Variants in TSBP1 observed in about 807,000 individuals in gnomAD.
TSBP1 encodes testis expressed basic protein 1.
A neutral mutation model predicts 68.8 loss-of-function variants in TSBP1; 56 were observed. The ratio of observed to expected loss-of-function variants is 0.81; its 90% confidence interval spans 0.66 to 1.02. The LOEUF (loss-of-function observed/expected upper bound fraction) is 1.02, where lower values mean the gene tolerates loss of function less well. Ranked by LOEUF, TSBP1 falls within the 50% of genes least tolerant of loss-of-function variation. The pLI, the probability that TSBP1 is intolerant of heterozygous loss-of-function variation, is 0.00. For synonymous variants in TSBP1, 171 were observed against 208.7 expected (o/e 0.82, Z 1.56); for missense variants, 502 against 641.2 (o/e 0.78, Z 2.34).
chr6:32,324,672 C>A (rs753970808), intron 16 of TSBP1: 5 of 1,550,678 alleles, frequency 3.2e-6, no homozygotes, highest in Non-Finnish European at 3.5e-6. Flanking sequence ...TGTGAGGATG[C>A]GATCTGACTG....
chr6:32,360,791 T>C (rs1489699662), intron 6 of TSBP1, among the ~76,000 whole-genome samples: 1 of 152,186 alleles, frequency 6.6e-6, no homozygotes, highest in East Asian at 1.9e-4. Flanking sequence ...TGCACCTTTA[T>C]TTATTAGTTG....
chr6:32,370,170 AGCTCTTACATTG>A (rs11275478), intron 1 of TSBP1, among the ~76,000 whole-genome samples, 187 bp from the exon 2 acceptor site: 25,162 of 151,310 alleles, frequency 0.17, 2,393 homozygotes, highest in East Asian at 0.25. Context: ...GCCCATTTTT[AGCTCTTACATTG>A]GTTCTTTGGT....
intron 8 of TSBP1, among the ~76,000 whole-genome samples, chr6:32,353,192 A>G (rs1236393599): frequency 1.3e-5 from 2 of 151,970 alleles, no homozygotes; most frequent in South Asian, 2.1e-4. Flanking sequence ...GATTTTTTAC[A>G]TATAGAATTC....
At position 32,314,655 on chromosome 6, in the gene TSBP1, T is replaced by C. The variant is rs1203260719; in HGVS notation, c.580+1117A>G. On this transcript the variant is annotated intron_variant, in intron 19 of 22. Transcript: ENST00000612031. The surrounding 1 kb of genome is among the most constrained non-coding windows in gnomAD (Gnocchi z 4.2). ...ACAGTTCCATTTCTCTTCACTCAAA[T>C]ACCAATGTCTTTGTCCTAACATTAT... 6.6e-6 allele frequency among the ~76,000 whole-genome samples: 1 copy of C among 152,232 alleles called. No individual in the cohort carries two copies. Among genetic ancestry groups the C allele is most frequent in the Non-Finnish European group, 1.5e-5 (1 of 68,038 alleles).
intron 19 of TSBP1, among the ~76,000 whole-genome samples, chr6:32,309,556 A>C (rs1766158220): frequency 6.6e-6 from 1 of 151,432 alleles, no homozygotes; most frequent in Non-Finnish European, 1.5e-5. Flanking sequence ...ATTTTCCTTC[A>C]GTCTTTTGAT....
intron 18 of TSBP1, among the ~76,000 whole-genome samples, chr6:32,319,622 T>C (rs1236524396): frequency 6.6e-6 from 1 of 152,014 alleles, no homozygotes; most frequent in East Asian, 1.9e-4. Flanking sequence ...TGCACCTCCA[T>C]AGCAGGCCTG....
At chr6:32,326,686 A>G (rs977208938) in intron 16 of TSBP1, among the ~76,000 whole-genome samples, 1 of 152,258 alleles carries the variant, frequency 6.6e-6, no homozygotes, top group Non-Finnish European at 1.5e-5. Context: ...AAACAAAGAT[A>G]AATCAACGTG....
intron 9 of TSBP1, among the ~76,000 whole-genome samples, chr6:32,342,619 A>G (rs3129904): frequency 0.77 from 116,501 of 152,232 alleles, 44,830 homozygotes; most frequent in South Asian, 0.88. Flanking sequence ...GAGTCTGCAT[A>G]CTTAACTGCT....
intron 16 of TSBP1, 135 bp downstream of exon 17, chr6:32,330,454 G>A: frequency 1.4e-6 from 1 of 721,666 alleles, no homozygotes; most frequent in Non-Finnish European, 2.2e-6. Context: ...AAATCAGGAA[G>A]CATAAAAACA....
chr6:32,331,445 G>A (rs1196259657), intron 15 of TSBP1, among the ~76,000 whole-genome samples: 1 of 152,192 alleles, frequency 6.6e-6, no homozygotes, highest in Non-Finnish European at 1.5e-5. Context: ...GATGGTTAGT[G>A]TTAATCCAAA....
chr6:32,367,052 CGT>C (rs3038518), intron 4 of TSBP1, among the ~76,000 whole-genome samples: 30,773 of 148,096 alleles, frequency 0.21, 3,355 homozygotes, highest in Non-Finnish European at 0.25. Flanking sequence ...ATGCTTGTAG[CGT>C]GTGTGTGTGT....
intron 8 of TSBP1, 188 bp from the exon 9 acceptor site, chr6:32,349,948 T>C: frequency 2.6e-6 from 2 of 780,648 alleles, no homozygotes; most frequent in Non-Finnish European, 4.7e-6. Flanking sequence ...TCCAATACTT[T>C]TGTGGTAAGG....
In TSBP1 at chr6:32,315,779, T is replaced by A. The variant is rs760582632; in HGVS notation, c.573A>T (p.Arg191Ser). Residue 191 changes from arginine to serine, a missense_variant, in exon 19 of 23, where the codon AGA becomes AGT. Transcript: ENST00000612031. This position sits in a 1 kb window ranked among gnomAD's most constrained non-coding sequence, Gnocchi z 5.4. ...GAGAAATAAAGAACTTACTTGCAGT[T>A]CTCTGCGAAATTACTAAAAAATAAG... 1 of 1,516,244 alleles carries A rather than the reference T, an allele frequency of 6.6e-7. No individual in the cohort carries two copies. Among genetic ancestry groups the A allele is most frequent in the South Asian group, 1.2e-5 (1 of 82,640 alleles). The allele number at this position is 1,516,244 out of a possible 1,614,324, so 93.9% of individuals were successfully genotyped here.
At chr6:32,366,372 T>C (rs761757369) in intron 4 of TSBP1, 70 bp from the exon 5 acceptor site, 24 of 1,387,406 alleles carry the variant, frequency 1.7e-5, no homozygotes, top group East Asian at 1.4e-4. Flanking sequence ...TTTTGTTAGA[T>C]AGAAATCTGT....
chr6:32,331,921 A>G, intron 15 of TSBP1, 113 bp downstream of exon 16: 1 of 819,608 alleles, frequency 1.2e-6, no homozygotes, highest in African/African-American at 1.7e-5. Context: ...ATGAAAGTCT[A>G]AGAAATATGA....
intron 18 of TSBP1, among the ~76,000 whole-genome samples, chr6:32,320,556 C>T (rs1767508483): frequency 6.6e-6 from 1 of 151,960 alleles, no homozygotes; most frequent in Non-Finnish European, 1.5e-5. Flanking sequence ...CCTCACTGTT[C>T]CCACCAAGAG....
chr6:32,349,717 T>C, intron 9 of TSBP1, 23 bp downstream of exon 9: 1 of 1,431,290 alleles, frequency 7.0e-7, no homozygotes, highest in South Asian at 1.2e-5. Flanking sequence ...TCAGCAGAAT[T>C]GAAGAAAAGT....
intron 6 of TSBP1, among the ~76,000 whole-genome samples, chr6:32,364,723 T>C (rs1773466058): frequency 6.6e-6 from 1 of 152,170 alleles, no homozygotes; most frequent in South Asian, 2.1e-4. Flanking sequence ...AACTGGTGGA[T>C]TGATTTTTAG....
chr6:32,366,584 A>G (rs1372179646), intron 4 of TSBP1, among the ~76,000 whole-genome samples: 1 of 151,356 alleles, frequency 6.6e-6, no homozygotes. Context: ...TAACACGGTG[A>G]AACCCCGTCT....
Sources: gnomAD v4.1 joint callset for allele counts (sites outside exome capture counted in the v4.1 genomes callset) on GRCh38, gnomAD v4.1.1 for gene constraint, Gnocchi (gnomAD v3.1) non-coding constraint, MANE v1.5 for transcripts, NCBI Gene and HGNC (gene_info 2026-07-23, HGNC 2026-07-21) for gene names.